MIER2: variants seen among roughly 807,000 people sequenced by gnomAD.
MIER2 encodes the protein mesoderm induction early response protein 2.
Under a neutral mutation model 67.6 loss-of-function variants are expected in MIER2, and 30 were observed. The ratio of observed to expected loss-of-function variants is 0.44; its 90% CI spans 0.33 to 0.60. MIER2 has a LOEUF of 0.60. Among genes scored for constraint, MIER2 ranks in the 20% least tolerant of loss-of-function variants. MIER2 has a pLI of 0.02. For missense variants in MIER2, 702 were observed against 745.1 expected, an observed-to-expected ratio of 0.94 and a Z score of 0.67; for synonymous variants, 372 against 312.6, an observed-to-expected ratio of 1.19 and a Z score of -2.00.
intron 1 of MIER2, among the ~76,000 whole-genome samples, chr19:339,537 C>T (rs541582560): frequency 6.6e-6 from 1 of 152,334 alleles, no homozygotes; most frequent in East Asian, 1.9e-4. Context: ...GGAAAATAGT[C>T]CAGCAATTCC....
rs778765743 is a variant in MIER2, at chr19:313,532, G to A, written c.767C>T (p.Pro256Leu). 6.2e-7 allele frequency: 1 copy of A among 1,612,934 alleles called. No homozygotes were observed. The highest frequency in any genetic ancestry group is 1.1e-5 in the South Asian group (1 of 91,078). The change falls in exon 8 of 14, where the codon CCT becomes CTT. Residue 256 changes from proline (P) to leucine (L), a missense_variant. Physicochemically the swap from Pro to Leu is moderately conservative, Grantham distance 98. This residue lies in a region of MIER2 where 128 missense variants were observed against 189.7 expected (regional missense o/e 0.67). Transcript: ENST00000264819. ...VKRRWHEMAG[P>L]QLPEGEAVKD... ...CACGGCTTCTCCCTCTGGGAGCTGA[G>A]GCCCGGCCATCTCGTGCCAACGCCG...
chr19:326,892 C>G lies in MIER2; in HGVS notation c.493+241G>C. On this transcript the variant is annotated intron_variant, in intron 5 of 13. Transcript: ENST00000264819. The stretch of plus-strand genomic sequence containing the variant: ...GGTTCTGGGAATGCTGTCCCTGGAT[C>G]TGCTAGGGGAACCAACATGTTCCCT... The G allele has an allele frequency of 5.1e-6, 3 of 592,526 alleles. No homozygotes were observed. The South Asian group carries it at 7.2e-5, about 14-fold the overall frequency. 36.7% of individuals were successfully genotyped at this position (592,526 alleles called of 1,614,324 possible). A position where few individuals can be genotyped will look rare whatever the true frequency, so the allele number is the denominator to read the frequency against.
intron 7 of MIER2, among the ~76,000 whole-genome samples, chr19:316,524 A>G (rs919905132): frequency 6.6e-6 from 1 of 152,152 alleles, no homozygotes; most frequent in Non-Finnish European, 1.5e-5. Flanking sequence ...TCCTGACCTC[A>G]GGCAATCTGC....
At chr19:321,128 C>T (rs1333600960) in intron 7 of MIER2, among the ~76,000 whole-genome samples, 1 of 152,206 alleles carries the variant, frequency 6.6e-6, no homozygotes, top group Non-Finnish European at 1.5e-5. Context: ...TCAGGTAACT[C>T]GCCTTCACTG....
rs1224728615 is a variant in MIER2, at chr19:306,447, C to A, written c.*243G>T. 1.6e-6 allele frequency: 1 copy of A among 611,046 alleles called. No individual in the cohort carries two copies. Among genetic ancestry groups the A allele is most frequent in the East Asian group, 2.8e-5 (1 of 35,998 alleles). The allele number at this position is 611,046 out of a possible 1,614,324, so 37.9% of individuals were successfully genotyped here. On this transcript the variant is annotated 3_prime_UTR_variant, in exon 14 of 14. Coordinates refer to ENST00000264819, the MANE Select transcript of MIER2 (RefSeq NM_017550.3). The stretch of plus-strand genomic sequence containing the variant: ...CGGATCCCACGTGCAGGCAGCGGCC[C>A]GGACCCGGGTGGCAGTGCCGGGCGC...
At chr19:324,689 A>G (rs563825374) in intron 7 of MIER2, among the ~76,000 whole-genome samples, 206 of 152,352 alleles carry the variant, frequency 1.4e-3, no homozygotes, top group African/African-American at 4.8e-3. Context: ...GACGACTCGA[A>G]TGACACAGGT....
intron 3 of MIER2, 90 bp downstream of exon 3, chr19:334,310 C>A: frequency 6.4e-7 from 1 of 1,556,548 alleles, no homozygotes. Flanking sequence ...TTAGCACTTA[C>A]CAATGTGGAA....
intron 2 of MIER2, among the ~76,000 whole-genome samples, chr19:335,211 G>C (rs979967255): frequency 6.6e-6 from 1 of 151,956 alleles, no homozygotes; most frequent in African/African-American, 2.4e-5. Flanking sequence ...AATCAATCCA[G>C]ACAGAGAGCA....
chr19:307,565 G>C (rs755434658), intron 12 of MIER2, 29 bp from the exon 13 acceptor site: 1 of 1,484,230 alleles, frequency 6.7e-7, no homozygotes, highest in East Asian at 2.3e-5. Flanking sequence ...CAGAGGGTGG[G>C]GCCTGCCCAC....
chr19:320,526 C>T (rs912428697), intron 7 of MIER2, among the ~76,000 whole-genome samples: 27 of 152,320 alleles, frequency 1.8e-4, no homozygotes, highest in African/African-American at 6.3e-4. Context: ...CAGGCCACAG[C>T]TGGCCGCACA....
At chr19:310,624 C>CGGAGCTGTAGAAACACGGCCT (rs1970937285) in intron 10 of MIER2, among the ~76,000 whole-genome samples, 1 of 133,540 alleles carries the variant, frequency 7.5e-6, no homozygotes, top group Non-Finnish European at 1.6e-5. Flanking sequence ...AAACACAGCC[C>CGGAGCTGTAGAAACACGGCCT]GGAGCTATAG....
chr19:323,263 G>C (rs1476531884), intron 7 of MIER2, among the ~76,000 whole-genome samples: 3 of 125,728 alleles, frequency 2.4e-5, no homozygotes, highest in African/African-American at 6.0e-5. Flanking sequence ...CAATACACAA[G>C]ACACACACAA....
intron 1 of MIER2, among the ~76,000 whole-genome samples, chr19:341,993 A>G (rs951149610): frequency 6.6e-6 from 1 of 152,076 alleles, no homozygotes; most frequent in African/African-American, 2.4e-5. Flanking sequence ...GCAAAGCTTA[A>G]CCCAAAATGA....
chr19:339,229 C>T (rs990541707), intron 1 of MIER2, among the ~76,000 whole-genome samples: 9 of 152,122 alleles, frequency 5.9e-5, no homozygotes, highest in African/African-American at 2.2e-4. Flanking sequence ...GGAACTTCTT[C>T]TCAGTATAAA....
At chr19:344,562 C>G (rs2145589488) in intron 1 of MIER2, 1 of 223,996 alleles carries the variant, frequency 4.5e-6, no homozygotes, top group Admixed American at 1.1e-4. Flanking sequence ...GATGTGGCAG[C>G]CGGGGGAGTT....
Position 307,492 on chromosome 19 carries a change from C to G in MIER2, c.1243G>C (p.Gly415Arg), listed in dbSNP as rs1244153981. ...GACGGGAGTCCATCAGAGGCCACTCCGGGCTCATCGAGACCACCGGCCGTG... is the reference window on the plus strand; with the variant it reads ...GACGGGAGTCCATCAGAGGCCACTCGGGGCTCATCGAGACCACCGGCCGTG... ...DGTAGGLDEPGVASDGLPSSE... is the reference protein window; with the variant it reads ...DGTAGGLDEPRVASDGLPSSE... Residue 415 changes from glycine (G) to arginine (R), a missense_variant, in exon 13 of 14, where the codon GGA becomes CGA. Physicochemically the swap from Gly to Arg is moderately radical, Grantham distance 125 (BLOSUM62 -2). Around this residue, in one of 3 missense-constraint regions of MIER2, gnomAD observed 254 missense variants for 262.8 expected, o/e 0.97. Transcript: ENST00000264819. 7 of 1,525,836 alleles carry G rather than the reference C, an allele frequency of 4.6e-6. No homozygotes were observed. The highest frequency in any genetic ancestry group is 6.1e-6 in the Non-Finnish European group (7 of 1,141,712). The allele number at this position is 1,525,836 out of a possible 1,614,324, so 94.5% of individuals were successfully genotyped here.
chr19:326,526 G>A lies in MIER2; in HGVS notation c.566C>T (p.Pro189Leu). 6.2e-7 allele frequency: 1 copy of A among 1,613,994 alleles called. No homozygotes were observed. The highest frequency in any genetic ancestry group is 8.5e-7 in the Non-Finnish European group (1 of 1,179,864). The change falls in exon 6 of 14, where the codon CCT becomes CTT. Residue 189 changes from proline (P) to leucine (L), a missense_variant. Transcript: ENST00000264819. Reference protein sequence around the residue: ...ASSDTEEDSLPANKCKKEIMV... With the variant: ...ASSDTEEDSLLANKCKKEIMV... Reference sequence around the variant, plus strand: ...ACGTACCTTCTTACATTTGTTGGCAGGAAGAGAGTCCTCCTCGGTGTCGGA... The same window carrying A: ...ACGTACCTTCTTACATTTGTTGGCAAGAAGAGAGTCCTCCTCGGTGTCGGA...
At chr19:331,956 G>T (rs1972046889) in intron 3 of MIER2, among the ~76,000 whole-genome samples, 1 of 152,056 alleles carries the variant, frequency 6.6e-6, no homozygotes, top group Admixed American at 6.6e-5. Context: ...ACTCCAGCCT[G>T]GGAAACAGAG....
rs1401031658 is a variant in MIER2, at chr19:344,786, C to A, written c.-4G>T. 1 of 1,196,742 alleles carries A rather than the reference C, an allele frequency of 8.4e-7. No homozygotes were observed. Among genetic ancestry groups the A allele is most frequent in the Non-Finnish European group, 1.0e-6 (1 of 965,308 alleles). 74.1% of individuals were successfully genotyped at this position (1,196,742 alleles called of 1,614,324 possible). A position where few individuals can be genotyped will look rare whatever the true frequency, so the allele number is the denominator to read the frequency against. ...CCCGCTCACTCACCTCCGCCATGGC[C>A]GTGTGTGCGCGGGAGGCGGTGGCCG... On this transcript the variant is annotated 5_prime_UTR_variant, in exon 1 of 14. Coordinates refer to ENST00000264819, the MANE Select transcript of MIER2 (RefSeq NM_017550.3).
Sources: gnomAD v4.1 joint callset for allele counts (sites outside exome capture counted in the v4.1 genomes callset) on GRCh38, gnomAD v4.1.1 for gene constraint, gnomAD v4.1.1 regional missense constraint, MANE v1.5 for transcripts, NCBI Gene and HGNC (gene_info 2026-07-23, HGNC 2026-07-21) for gene names.